The following IGF2BP3 variants were observed in gnomAD, a reference collection of about 807,000 sequenced individuals.
The protein encoded by IGF2BP3 is insulin-like growth factor 2 mRNA-binding protein 3.
Under a neutral mutation model 73.8 loss-of-function variants are expected in IGF2BP3, and 9 were observed. The ratio of observed to expected loss-of-function variants is 0.12; its 90% CI spans 0.07 to 0.21. The LOEUF (loss-of-function observed/expected upper bound fraction) is 0.21. Among genes scored for constraint, IGF2BP3 ranks in the 10% least tolerant of loss-of-function variants. The pLI is 1.00. For missense variants in IGF2BP3, 542 were observed against 714.0 expected (o/e 0.76, Z 2.75); for synonymous variants, 258 against 256.7 (o/e 1.01, Z -0.05).
At chr7:23,356,654 C>A (rs1027141100) in intron 5 of IGF2BP3, among the ~76,000 whole-genome samples, 2 of 152,180 alleles carry the variant, frequency 1.3e-5, no homozygotes, top group Non-Finnish European at 2.9e-5. Context: ...ACAGGGTCCT[C>A]ACAAAATGAG....
At chr7:23,392,592 C>T (rs1466733715) in intron 3 of IGF2BP3, among the ~76,000 whole-genome samples, 1 of 151,692 alleles carries the variant, frequency 6.6e-6, no homozygotes, top group African/African-American at 2.4e-5. Context: ...GATTTTAAGC[C>T]CTTTTTTCTG....
chr7:23,421,535 A>G (rs1787348095), intron 2 of IGF2BP3, among the ~76,000 whole-genome samples: 1 of 151,000 alleles, frequency 6.6e-6, no homozygotes, highest in African/African-American at 2.4e-5. Context: ...TCTACTAAAA[A>G]TACAAAATTA....
intron 2 of IGF2BP3, among the ~76,000 whole-genome samples, chr7:23,458,898 T>G (rs1788381667): frequency 6.6e-6 from 1 of 152,146 alleles, no homozygotes; most frequent in South Asian, 2.1e-4. Flanking sequence ...ATGATTGGGC[T>G]CCTGTGCAAG....
chr7:23,419,710 G>A (rs1310794884), intron 2 of IGF2BP3, among the ~76,000 whole-genome samples: 1 of 152,114 alleles, frequency 6.6e-6, no homozygotes, highest in Non-Finnish European at 1.5e-5. Flanking sequence ...AAAATTAGCT[G>A]GGCATGGTGG....
intron 3 of IGF2BP3, among the ~76,000 whole-genome samples, chr7:23,388,127 C>T (rs1015829854): frequency 2.6e-5 from 4 of 151,828 alleles, no homozygotes; most frequent in Non-Finnish European, 4.4e-5. Context: ...TTAGTAGAGG[C>T]GGGGTTTCAC....
chr7:23,329,175 T>G (rs2128496614), intron 10 of IGF2BP3, among the ~76,000 whole-genome samples: 1 of 151,386 alleles, frequency 6.6e-6, no homozygotes, highest in Middle Eastern at 3.4e-3. Context: ...ATCACGCCAT[T>G]GCACTCCAGC....
At chr7:23,368,956 G>T (rs1229996813) in intron 3 of IGF2BP3, among the ~76,000 whole-genome samples, 14 of 151,790 alleles carry the variant, frequency 9.2e-5, no homozygotes, top group Admixed American at 6.6e-5. Context: ...ATGGTGAATT[G>T]CATAGTATGT....
rs1046680205 is a variant in IGF2BP3, at chr7:23,321,231, G to A, written c.1204-1977C>T. Among the ~76,000 whole-genome samples the A allele has an allele frequency of 9.2e-5, 14 of 152,306 alleles. No individual in the cohort carries two copies. The South Asian group carries it at 2.1e-3, about 23-fold the overall frequency. On this transcript the variant is annotated intron_variant, in intron 10 of 14. Coordinates refer to ENST00000258729, the MANE Select transcript of IGF2BP3 (RefSeq NM_006547.3). The stretch of plus-strand genomic sequence containing the variant: ...TGGGTGCATGCACCATGGGTGAGCC[G>A]AAGCAGGGCGAGGCATTGCCTCACT...
rs556496564 is a variant in IGF2BP3, at chr7:23,443,994, G to A, written c.236+24488C>T. 2.0e-5 allele frequency among the ~76,000 whole-genome samples: 3 copies of A among 152,208 alleles called. No individual in the cohort carries two copies. In the East Asian group the frequency reaches 5.8e-4, roughly 29 times the overall value. On this transcript the variant is annotated intron_variant, in intron 2 of 14. Transcript: ENST00000258729. ...ACTGCACTTCTGCCTGGGAAACAGA[G>A]GGAGACTTCGTCTCAAAAAACAAAA...
chr7:23,419,389 T>C (rs1787281532), intron 2 of IGF2BP3, among the ~76,000 whole-genome samples: 1 of 152,236 alleles, frequency 6.6e-6, no homozygotes, highest in Non-Finnish European at 1.5e-5. Flanking sequence ...CATACCACAT[T>C]AGACTGTTGG....
At chr7:23,375,909 T>C (rs564601856) in intron 3 of IGF2BP3, among the ~76,000 whole-genome samples, 1 of 152,298 alleles carries the variant, frequency 6.6e-6, no homozygotes, top group African/African-American at 2.4e-5. Context: ...TATGGGGCCT[T>C]ATAATAAAAT....
intron 10 of IGF2BP3, among the ~76,000 whole-genome samples, chr7:23,326,671 T>C: frequency 6.8e-6 from 1 of 146,992 alleles, no homozygotes; most frequent in Non-Finnish European, 1.5e-5. Context: ...CCAACCCAAA[T>C]GTCCAACAAT....
chr7:23,397,762 C>T (rs535642329), intron 3 of IGF2BP3, among the ~76,000 whole-genome samples: 7 of 152,320 alleles, frequency 4.6e-5, no homozygotes, highest in South Asian at 2.1e-4. Context: ...CACTTGAGTG[C>T]TGATTACACT....
chr7:23,441,483 G>C (rs1045681436), intron 2 of IGF2BP3, among the ~76,000 whole-genome samples: 1 of 145,624 alleles, frequency 6.9e-6, no homozygotes. Context: ...TGAGGCAGGA[G>C]AATCGCTTGA....
chr7:23,442,724 G>T (rs1019975493), intron 2 of IGF2BP3, among the ~76,000 whole-genome samples: 1 of 152,038 alleles, frequency 6.6e-6, no homozygotes, highest in Non-Finnish European at 1.5e-5. Context: ...AAAATAACAA[G>T]AAATAACATA....
intron 10 of IGF2BP3, among the ~76,000 whole-genome samples, chr7:23,322,941 C>A (rs1784198415): frequency 6.6e-6 from 1 of 152,178 alleles, no homozygotes; most frequent in African/African-American, 2.4e-5. Context: ...TGGAAAGGAA[C>A]AACCGGTACC....
intron 3 of IGF2BP3, among the ~76,000 whole-genome samples, chr7:23,372,875 A>G (rs1785601609): frequency 6.6e-6 from 1 of 152,160 alleles, no homozygotes; most frequent in South Asian, 2.1e-4. Context: ...ACATTATTCC[A>G]TGTTATAGAT....
chr7:23,406,002 G>A (rs1786817143), intron 3 of IGF2BP3, among the ~76,000 whole-genome samples: 2 of 151,298 alleles, frequency 1.3e-5, no homozygotes, highest in Non-Finnish European at 2.9e-5. Context: ...CAACCGGTGA[G>A]TTCTCTTCAG....
At chr7:23,371,333 C>T (rs1172459755) in intron 3 of IGF2BP3, among the ~76,000 whole-genome samples, 2 of 150,822 alleles carry the variant, frequency 1.3e-5, no homozygotes, top group Non-Finnish European at 2.9e-5. Flanking sequence ...ATCCTTCAAA[C>T]AGCTCAGCAC....
Sources: allele counts gnomAD v4.1 joint callset (sites outside exome capture counted in the v4.1 genomes callset), GRCh38; gene constraint gnomAD v4.1.1; transcripts MANE v1.5; gene names NCBI Gene and HGNC (gene_info 2026-07-23, HGNC 2026-07-21).